The following HS3ST3B1 variants were observed in gnomAD, a reference collection of about 807,000 sequenced individuals.
The protein encoded by HS3ST3B1 is heparan sulfate-glucosamine 3-sulfotransferase 3B1.
A neutral mutation model predicts 21.3 loss-of-function variants in HS3ST3B1; 13 were observed. The ratio of observed to expected loss-of-function variants is 0.61; its 90% confidence interval spans 0.40 to 0.97. HS3ST3B1 has a LOEUF of 0.97. Among genes scored for constraint, HS3ST3B1 ranks in the 50% least tolerant of loss-of-function variants. The pLI, the probability that HS3ST3B1 is intolerant of heterozygous loss-of-function variation, is 0.00. For missense variants in HS3ST3B1, 459 were observed against 554.8 expected (o/e 0.83, Z 1.73); for synonymous variants, 234 against 254.8 (o/e 0.92, Z 0.78).
At chr17:14,327,103 G>A (rs567520092) in intron 1 of HS3ST3B1, among the ~76,000 whole-genome samples, 11 of 151,994 alleles carry the variant, frequency 7.2e-5, no homozygotes, top group Non-Finnish European at 1.2e-4. Flanking sequence ...GAATCATCCC[G>A]ATCAACAACA....
At position 14,302,216 on chromosome 17, in the gene HS3ST3B1, C is replaced by G. The variant is rs114937276; in HGVS notation, c.554+144C>G. The G allele has an allele frequency of 2.5e-3, 2,584 of 1,022,122 alleles. 38 individuals carry two copies. The African/African-American group carries it at 0.033, about 13-fold the overall frequency. 63.3% of individuals were successfully genotyped at this position (1,022,122 alleles called of 1,614,324 possible). A position where few individuals can be genotyped will look rare whatever the true frequency, so the allele number is the denominator to read the frequency against. ...AGGGAAACTACGGCAGATTGCGCAG[C>G]GCATCCTGTCCGGGTGCGGTGAGGG... On this transcript the variant is annotated intron_variant, in intron 1 of 1. Transcript: ENST00000360954.
In HS3ST3B1 at chr17:14,301,874, C is replaced by A. The variant is rs769770705; in HGVS notation, c.356C>A (p.Pro119Gln). The A allele has an allele frequency of 1.2e-6, 2 of 1,604,078 alleles. No individual in the cohort carries two copies. The highest frequency in any genetic ancestry group is 1.7e-6 in the Non-Finnish European group (2 of 1,176,458). The change falls in exon 1 of 2, where the codon CCG (proline) becomes CAG (glutamine). Residue 119 changes from proline (P) to glutamine (Q), a missense_variant. This residue lies in a region of HS3ST3B1 where 317 missense variants were observed against 278.6 expected (regional missense o/e 1.14). Transcript: ENST00000360954. ...ASPEEQSPEV[P>Q]DSPSPISSFF... ...CCGGAGGAGCAGAGTCCCGAGGTGC[C>A]GGACTCCCCAAGCCCCATCTCCAGC...
intron 1 of HS3ST3B1, among the ~76,000 whole-genome samples, chr17:14,314,708 C>G (rs994101404): frequency 2.6e-5 from 4 of 152,206 alleles, no homozygotes; most frequent in Admixed American, 2.0e-4. Context: ...ACCTGGTGAG[C>G]CCCTGGGCTT....
intron 1 of HS3ST3B1, among the ~76,000 whole-genome samples, chr17:14,325,124 G>A (rs544499118): frequency 5.4e-4 from 82 of 152,306 alleles, no homozygotes; most frequent in African/African-American, 1.9e-3. Flanking sequence ...TGCTGAAAGG[G>A]AACCATGACT....
intron 1 of HS3ST3B1, among the ~76,000 whole-genome samples, chr17:14,344,568 A>G (rs1046462886): frequency 6.6e-6 from 1 of 152,150 alleles, no homozygotes; most frequent in African/African-American, 2.4e-5. Context: ...TCCAGTGCCC[A>G]TGGCACATCT....
At chr17:14,325,407 A>C (rs1214525865) in intron 1 of HS3ST3B1, among the ~76,000 whole-genome samples, 1 of 152,260 alleles carries the variant, frequency 6.6e-6, no homozygotes, top group Admixed American at 6.5e-5. Flanking sequence ...CTTGGACTTT[A>C]ATTAACAAAT....
At chr17:14,312,718 C>T (rs1909346084) in intron 1 of HS3ST3B1, among the ~76,000 whole-genome samples, 1 of 151,888 alleles carries the variant, frequency 6.6e-6, no homozygotes, top group Non-Finnish European at 1.5e-5. Flanking sequence ...CCCACCTGCC[C>T]TTTGTGCTGC....
chr17:14,313,762 G>T (rs976596659), intron 1 of HS3ST3B1, among the ~76,000 whole-genome samples: 5 of 151,838 alleles, frequency 3.3e-5, no homozygotes, highest in Non-Finnish European at 5.9e-5. Flanking sequence ...TAGAGGCGGG[G>T]TTCCACCATG....
chr17:14,305,971 AC>A (rs1274306900), intron 1 of HS3ST3B1, among the ~76,000 whole-genome samples: 1 of 152,080 alleles, frequency 6.6e-6, no homozygotes, highest in Non-Finnish European at 1.5e-5. Flanking sequence ...TAATATACCA[AC>A]CCAGGCAGTC....
At position 14,326,540 on chromosome 17, in the gene HS3ST3B1, G is replaced by A. The variant is rs550134994; in HGVS notation, c.555-18488G>A. On this transcript the variant is annotated intron_variant, in intron 1 of 1. Coordinates refer to ENST00000360954, the MANE Select transcript of HS3ST3B1 (RefSeq NM_006041.3). ...CAAAAACTTCAGTCCAGGCTAAGTG[G>A]CCCAATGGCTGTCTCATTGAGTAGG... Among the ~76,000 whole-genome samples the A allele has an allele frequency of 3.3e-5, 5 of 152,258 alleles. No individual in the cohort carries two copies. The East Asian group carries it at 7.7e-4, about 24-fold the overall frequency.
intron 1 of HS3ST3B1, among the ~76,000 whole-genome samples, chr17:14,332,829 C>CTTTTTTTTT (rs71147859): frequency 1.1e-5 from 1 of 91,038 alleles, no homozygotes; most frequent in Admixed American, 1.3e-4. Flanking sequence ...GACCTTTTAT[C>CTTTTTTTTT]TTTTTTTTTT....
At chr17:14,317,678 A>T (rs1238162736) in intron 1 of HS3ST3B1, among the ~76,000 whole-genome samples, 12 of 152,100 alleles carry the variant, frequency 7.9e-5, no homozygotes, top group Admixed American at 7.9e-4. Flanking sequence ...AAAACGGTGA[A>T]ACAGTGAGGG....
intron 1 of HS3ST3B1, among the ~76,000 whole-genome samples, chr17:14,308,255 AATG>A (rs1311575474): frequency 1.3e-5 from 2 of 152,236 alleles, no homozygotes; most frequent in Non-Finnish European, 2.9e-5. Flanking sequence ...ATCTTAATAA[AATG>A]ATAATAAATA....
At position 14,301,202 on chromosome 17, in the gene HS3ST3B1, G is replaced by T. The variant is rs1050816189; in HGVS notation, c.-317G>T. 7 of 405,796 alleles carry T rather than the reference G, an allele frequency of 1.7e-5. No individual in the cohort carries two copies. The highest frequency in any genetic ancestry group is 9.2e-5 in the Admixed American group (2 of 21,766). The allele number at this position is 405,796 out of a possible 1,614,324, so 25.1% of individuals were successfully genotyped here. A position where few individuals can be genotyped will look rare whatever the true frequency, so the allele number is the denominator to read the frequency against. On this transcript the variant is annotated 5_prime_UTR_variant, in exon 1 of 2. Coordinates refer to ENST00000360954, the MANE Select transcript of HS3ST3B1 (RefSeq NM_006041.3). ...GCACAGTCTAGAGTGGCCAGGGCGC[G>T]AGAGTGCAACGTCCTCCTGGCCCCG...
In HS3ST3B1 at chr17:14,339,520, T is replaced by C. The variant is rs111965969; in HGVS notation, c.555-5508T>C. Among the ~76,000 whole-genome samples, 313 of 152,302 alleles carry C rather than the reference T, an allele frequency of 2.1e-3. 1 individual carries two copies. The highest frequency in any genetic ancestry group is 7.1e-3 in the African/African-American group (295 of 41,562). ...AAGAAGGCCCATCAGGAGAGCTGAC[T>C]ACAAGTCCCAACTCTCTGACCTGCA... On this transcript the variant is annotated intron_variant, in intron 1 of 1. Coordinates refer to ENST00000360954, the MANE Select transcript of HS3ST3B1 (RefSeq NM_006041.3).
intron 1 of HS3ST3B1, among the ~76,000 whole-genome samples, chr17:14,331,214 T>C (rs1174525877): frequency 6.6e-6 from 1 of 151,728 alleles, no homozygotes; most frequent in Non-Finnish European, 1.5e-5. Flanking sequence ...TAAACAGGAG[T>C]TTGTAAGGTC....
intron 1 of HS3ST3B1, among the ~76,000 whole-genome samples, chr17:14,302,400 C>A (rs1460481620): frequency 6.6e-6 from 1 of 152,196 alleles, no homozygotes; most frequent in African/African-American, 2.4e-5. Flanking sequence ...GTATCCGACT[C>A]GAATCGTATT....
intron 1 of HS3ST3B1, among the ~76,000 whole-genome samples, chr17:14,342,334 C>T (rs150449626): frequency 0.016 from 2,428 of 152,198 alleles, 30 homozygotes; most frequent in Non-Finnish European, 0.024. Context: ...ATGATATAGC[C>T]TCTAACATGG....
intron 1 of HS3ST3B1, chr17:14,327,899 ATTT>A (rs1295759774): frequency 6.6e-6 from 1 of 152,134 alleles, no homozygotes; most frequent in African/African-American, 2.4e-5. Context: ...GCAATTAAAG[ATTT>A]TGTTTTTGGA....
Sources: allele counts gnomAD v4.1 joint callset (sites outside exome capture counted in the v4.1 genomes callset), GRCh38; gene constraint gnomAD v4.1.1; regional missense constraint gnomAD v4.1.1; transcripts MANE v1.5; gene names NCBI Gene and HGNC (gene_info 2026-07-23, HGNC 2026-07-21).